The following PLAAT1 variants were observed in gnomAD, a reference collection of about 807,000 sequenced individuals.
The protein encoded by PLAAT1 is H-REV107 protein-related protein.
PLAAT1 carries 13 observed loss-of-function variants against 16.4 expected under a neutral mutation model. The ratio of observed to expected loss-of-function variants is 0.79; its 90% CI spans 0.52 to 1.26. PLAAT1 has a LOEUF of 1.26. PLAAT1 is among the 50% of genes most tolerant of loss of function. The probability of loss-of-function intolerance (pLI) is 0.00; values close to 1 mark genes in which losing one functional copy is unlikely to be tolerated. For synonymous variants in PLAAT1, 73 were observed against 78.4 expected, an observed-to-expected ratio of 0.93 and a Z score of 0.36; for missense variants, 218 against 207.8, an observed-to-expected ratio of 1.05 and a Z score of -0.30.
At chr3:193,266,255 G>A (rs963217333) in intron 3 of PLAAT1, among the ~76,000 whole-genome samples, 17 of 151,940 alleles carry the variant, frequency 1.1e-4, no homozygotes, top group African/African-American at 4.1e-4. Flanking sequence ...GTTTCATGGG[G>A]GTATGCTTAT....
intron 2 of PLAAT1, among the ~76,000 whole-genome samples, chr3:193,275,885 T>C (rs1190231560): frequency 1.3e-5 from 2 of 152,206 alleles, no homozygotes; most frequent in East Asian, 3.8e-4. Flanking sequence ...AAATTTTTAT[T>C]TTATTATGGG....
Position 193,266,756 on chromosome 3 carries a change from C to T in PLAAT1, c.405+3521C>T, listed in dbSNP as rs116490689. ...GGATATTACTTTTCATAACAGTATC[C>T]GGGAATTTTATAGATCGTTGTTAGC... On this transcript the variant is annotated intron_variant, in intron 3 of 3. Transcript: ENST00000264735. Among the ~76,000 whole-genome samples the T allele has an allele frequency of 5.7e-3, 863 of 152,096 alleles. 8 individuals carry two copies. Among genetic ancestry groups the T allele is most frequent in the African/African-American group, 0.019 (794 of 41,480 alleles).
At chr3:193,271,631 T>C (rs999890133), downstream of PLAAT1, among the ~76,000 whole-genome samples, 3 of 152,128 alleles carry the variant, frequency 2.0e-5, no homozygotes, top group African/African-American at 7.2e-5. Context: ...TAGGATTACA[T>C]CAGACATTGT....
intron 1 of PLAAT1, among the ~76,000 whole-genome samples, chr3:193,255,047 A>G (rs925336435): frequency 1.2e-4 from 19 of 152,164 alleles, no homozygotes; most frequent in Non-Finnish European, 2.9e-5. Context: ...ACAAAATATT[A>G]AATGTTAGCA....
chr3:193,279,253 C>G (rs1717368438), downstream of PLAAT1: 1 of 800,918 alleles, frequency 1.2e-6, no homozygotes, highest in African/African-American at 1.7e-5. Flanking sequence ...TAGAAATAGC[C>G]TCACAGTATT....
intron 3 of PLAAT1, among the ~76,000 whole-genome samples, chr3:193,268,439 T>C (rs1446649697): frequency 1.3e-5 from 2 of 152,196 alleles, no homozygotes; most frequent in Admixed American, 1.3e-4. Context: ...ACGAGGCCTT[T>C]ATTATGGCCC....
At chr3:193,276,735 T>C (rs376052913) in intron 2 of PLAAT1, 12 of 1,550,486 alleles carry the variant, frequency 7.7e-6, no homozygotes, top group African/African-American at 4.1e-5. Flanking sequence ...AGAAAAAATA[T>C]AGAGATTACT....
intron 2 of PLAAT1, among the ~76,000 whole-genome samples, chr3:193,276,182 C>T (rs1365129812): frequency 1.3e-5 from 2 of 152,080 alleles, no homozygotes; most frequent in African/African-American, 4.8e-5. Flanking sequence ...AGTCTTAAAG[C>T]ACATGAGTTA....
downstream of PLAAT1, among the ~76,000 whole-genome samples, chr3:193,278,121 T>C (rs181665065): frequency 2.4e-4 from 37 of 152,314 alleles, 1 homozygote; most frequent in South Asian, 2.5e-3. Flanking sequence ...TATTTATTTA[T>C]GCAATGGTCT....
At chr3:193,264,686 G>A (rs1172737298) in intron 3 of PLAAT1, among the ~76,000 whole-genome samples, 1 of 152,036 alleles carries the variant, frequency 6.6e-6, no homozygotes, top group African/African-American at 2.4e-5. Flanking sequence ...TGTATTTTTA[G>A]TAGAGACTAT....
intron 3 of PLAAT1, among the ~76,000 whole-genome samples, chr3:193,264,885 A>G (rs1204477810): frequency 6.6e-6 from 1 of 152,164 alleles, no homozygotes; most frequent in Non-Finnish European, 1.5e-5. Context: ...TGTACTTTGG[A>G]TACTGGACTC....
chr3:193,242,111 T>TA (rs960792262), intron 1 of PLAAT1, among the ~76,000 whole-genome samples: 12 of 151,564 alleles, frequency 7.9e-5, no homozygotes, highest in African/African-American at 2.9e-4. Context: ...ATGAGAGGTT[T>TA]TTTTTTTGCG....
intron 2 of PLAAT1, among the ~76,000 whole-genome samples, chr3:193,262,095 T>G (rs1229216545): frequency 6.6e-6 from 1 of 152,200 alleles, no homozygotes. Flanking sequence ...GTGGGCAGTT[T>G]GACAAGGACT....
At chr3:193,242,794 C>T (rs1715823955) in intron 1 of PLAAT1, among the ~76,000 whole-genome samples, 1 of 152,110 alleles carries the variant, frequency 6.6e-6, no homozygotes, top group Non-Finnish European at 1.5e-5. Context: ...GGAAACATCA[C>T]AGTGTAGGAG....
chr3:193,265,818 G>A (rs2108800629), intron 3 of PLAAT1, among the ~76,000 whole-genome samples: 2 of 152,214 alleles, frequency 1.3e-5, no homozygotes, highest in South Asian at 4.2e-4. Context: ...AGAACATAGA[G>A]GGTACACACA....
intron 3 of PLAAT1, among the ~76,000 whole-genome samples, chr3:193,268,892 C>T (rs1018891043): frequency 6.6e-6 from 1 of 152,184 alleles, no homozygotes; most frequent in African/African-American, 2.4e-5. Flanking sequence ...GCCACACCAT[C>T]TATAGGATCC....
intron 1 of PLAAT1, among the ~76,000 whole-genome samples, chr3:193,250,138 T>C (rs950833644): frequency 1.2e-4 from 18 of 152,208 alleles, no homozygotes; most frequent in African/African-American, 4.3e-4. Flanking sequence ...GAGATGTTCC[T>C]TTCCAATCAG....
downstream of PLAAT1, chr3:193,279,223 T>G: frequency 4.9e-6 from 3 of 613,128 alleles, no homozygotes; most frequent in Non-Finnish European, 8.7e-6. Flanking sequence ...TCCAGATATC[T>G]TATTTGCCCT....
At chr3:193,259,339 C>G (rs1716502094) in intron 2 of PLAAT1, among the ~76,000 whole-genome samples, 1 of 152,176 alleles carries the variant, frequency 6.6e-6, no homozygotes, top group South Asian at 2.1e-4. Context: ...TTCACTCACA[C>G]TATTCCTGTT....
Sources: gnomAD v4.1 joint callset for allele counts (sites outside exome capture counted in the v4.1 genomes callset) on GRCh38, gnomAD v4.1.1 for gene constraint, MANE v1.5 for transcripts, NCBI Gene and HGNC (gene_info 2026-07-23, HGNC 2026-07-21) for gene names.